UNC13C: variants seen among roughly 807,000 people sequenced by gnomAD.
UNC13C encodes unc-13 homolog C.
In UNC13C, 174 loss-of-function variants were observed where a neutral mutation model predicts 245.4. That is an observed-to-expected ratio of 0.71 (90% CI 0.63 to 0.80). The LOEUF (loss-of-function observed/expected upper bound fraction) is 0.80. Among genes scored for constraint, UNC13C ranks in the 30% least tolerant of loss-of-function variants. UNC13C has a pLI of 0.00. For missense variants in UNC13C, 2,829 were observed against 2,602.9 expected (o/e 1.09, Z -1.89); for synonymous variants, 992 against 895.1 (o/e 1.11, Z -1.93).
intron 4 of UNC13C, among the ~76,000 whole-genome samples, chr15:54,227,574 G>A (rs1368247731): frequency 6.6e-6 from 1 of 152,146 alleles, no homozygotes; most frequent in East Asian, 1.9e-4. Context: ...AGTGTGTCAG[G>A]ACTTCCCTGA....
At chr15:54,137,341 G>C (rs1220006969) in intron 2 of UNC13C, among the ~76,000 whole-genome samples, 1 of 152,130 alleles carries the variant, frequency 6.6e-6, no homozygotes, top group Non-Finnish European at 1.5e-5. Context: ...GCTTTGGTGT[G>C]AGTAATGCTG....
the UNC13C span, among the ~76,000 whole-genome samples, chr15:53,891,379 C>T: frequency 6.6e-6 from 1 of 152,128 alleles, no homozygotes; most frequent in Non-Finnish European, 1.5e-5. Context: ...TCTATTAGGT[C>T]CACTTGTTCC....
chr15:54,053,620 C>T (rs890667414), intron 2 of UNC13C, among the ~76,000 whole-genome samples: 1 of 152,120 alleles, frequency 6.6e-6, no homozygotes, highest in Non-Finnish European at 1.5e-5. Context: ...AATAATTTAT[C>T]CTTTCTTTGT....
At chr15:54,113,614 C>A (rs1442962106) in intron 2 of UNC13C, among the ~76,000 whole-genome samples, 2 of 152,074 alleles carry the variant, frequency 1.3e-5, no homozygotes, top group East Asian at 3.9e-4. Flanking sequence ...ATCATGAAGT[C>A]AGGAGATCAA....
intron 2 of UNC13C, among the ~76,000 whole-genome samples, chr15:54,048,249 T>C (rs1046458721): frequency 3.3e-5 from 5 of 152,194 alleles, no homozygotes; most frequent in Non-Finnish European, 7.4e-5. Context: ...AATTTCAATC[T>C]CAATTTTGGC....
intron 19 of UNC13C, among the ~76,000 whole-genome samples, chr15:54,489,357 T>C (rs999618872): frequency 6.6e-6 from 1 of 152,196 alleles, no homozygotes; most frequent in African/African-American, 2.4e-5. Flanking sequence ...TGTATACTTT[T>C]ATCTTAGCAT....
In UNC13C at chr15:54,014,253, T is replaced by C. The variant is rs1895529496; in HGVS notation, c.1350T>C (p.Asp450=). 1.9e-6 allele frequency: 3 copies of C among 1,613,940 alleles called. No homozygotes were observed. The South Asian group carries it at 3.3e-5, about 18-fold the overall frequency. The change falls in exon 2 of 33, where the codon GAT becomes GAC. Residue 450 remains aspartate (D), a synonymous_variant. Transcript: ENST00000260323. ...KIKKNNWQSP[D]DSDEDLESDL... is the part of the protein sequence containing the mutation. Reference sequence around the variant, plus strand: ...AGAAGAACAATTGGCAGTCACCTGATGACAGTGATGAAGATCTTGAATCTG... The same window carrying C: ...AGAAGAACAATTGGCAGTCACCTGACGACAGTGATGAAGATCTTGAATCTG...
chr15:53,998,292 A>G (rs966420791), intron 1 of UNC13C, among the ~76,000 whole-genome samples: 41 of 152,266 alleles, frequency 2.7e-4, no homozygotes, highest in African/African-American at 9.9e-4. Context: ...ATGATCATAT[A>G]TTATCTCTTT....
intron 13 of UNC13C, among the ~76,000 whole-genome samples, chr15:54,302,356 GT>G (rs2037607809): frequency 2.0e-5 from 3 of 152,102 alleles, no homozygotes; most frequent in African/African-American, 7.2e-5. Context: ...TAGTCATGAA[GT>G]TTTTGGCCAT....
chr15:54,084,336 G>A (rs2141123498), intron 2 of UNC13C, among the ~76,000 whole-genome samples: 1 of 152,290 alleles, frequency 6.6e-6, no homozygotes, highest in East Asian at 1.9e-4. Flanking sequence ...TTCTAGCAAA[G>A]TTCATTTTTT....
intron 19 of UNC13C, among the ~76,000 whole-genome samples, chr15:54,454,140 A>T (rs2414312): frequency 0.55 from 83,402 of 150,534 alleles, 23,331 homozygotes; most frequent in Admixed American, 0.63. Flanking sequence ...TATATATATA[A>T]AATACAATTT....
chr15:54,606,562 G>T (rs892531707), intron 30 of UNC13C, among the ~76,000 whole-genome samples: 2 of 152,160 alleles, frequency 1.3e-5, no homozygotes, highest in Non-Finnish European at 2.9e-5. Context: ...GAGCAAGTAC[G>T]CATTAGAGAT....
intron 2 of UNC13C, among the ~76,000 whole-genome samples, chr15:54,139,927 AC>A (rs2031932876): frequency 6.6e-6 from 1 of 152,140 alleles, no homozygotes; most frequent in African/African-American, 2.4e-5. Context: ...TTGTCCAAGC[AC>A]CATTTACTGA....
At chr15:54,580,099 T>C (rs542766593) in intron 30 of UNC13C, among the ~76,000 whole-genome samples, 37 of 152,264 alleles carry the variant, frequency 2.4e-4, no homozygotes, top group African/African-American at 8.7e-4. Flanking sequence ...GAAAGCAAAA[T>C]GCAATACAAT....
chr15:54,317,064 G>GA (rs2038026561), intron 13 of UNC13C, among the ~76,000 whole-genome samples: 4 of 151,492 alleles, frequency 2.6e-5, no homozygotes, highest in Admixed American at 6.6e-5. Flanking sequence ...GCTTGAATAG[G>GA]AAAAAAATGG....
the UNC13C span, among the ~76,000 whole-genome samples, chr15:53,852,632 C>T: frequency 6.6e-6 from 1 of 152,136 alleles, no homozygotes; most frequent in African/African-American, 2.4e-5. Flanking sequence ...ACCCCTTGCC[C>T]CATGCTGCTG....
chr15:54,228,450 G>A (rs1596044254), intron 4 of UNC13C, among the ~76,000 whole-genome samples: 1 of 152,068 alleles, frequency 6.6e-6, no homozygotes, highest in African/African-American at 2.4e-5. Context: ...TCACAGCTGG[G>A]AATGTGCTTG....
At chr15:54,442,250 CTTT>C (rs35414078) in intron 19 of UNC13C, among the ~76,000 whole-genome samples, 1 of 127,426 alleles carries the variant, frequency 7.8e-6, no homozygotes. Context: ...TGTTCCAGTT[CTTT>C]TTTTTTTTTT....
chr15:53,956,901 T>C, the UNC13C span, among the ~76,000 whole-genome samples: 9 of 150,938 alleles, frequency 6.0e-5, no homozygotes, highest in African/African-American at 2.2e-4. Context: ...TGTGTGTGTG[T>C]GTGTGCATGC....
Sources: allele counts gnomAD v4.1 joint callset (sites outside exome capture counted in the v4.1 genomes callset), GRCh38; gene constraint gnomAD v4.1.1; transcripts MANE v1.5; gene names NCBI Gene and HGNC (gene_info 2026-07-23, HGNC 2026-07-21).